Variants in ITGB3 observed in about 807,000 individuals in gnomAD.
ITGB3 encodes integrin beta-3.
Under a neutral mutation model 85.8 loss-of-function variants are expected in ITGB3, and 48 were observed. The observed-to-expected ratio is 0.56, with a 90% CI of 0.44 to 0.71. The LOEUF is 0.71. Ranked by LOEUF, ITGB3 falls within the 30% of genes least tolerant of loss-of-function variation. The pLI, the probability that ITGB3 is intolerant of heterozygous loss-of-function variation, is 0.00. For synonymous variants in ITGB3, 363 were observed against 395.6 expected, an observed-to-expected ratio of 0.92 and a Z score of 0.98; for missense variants, 861 against 1,019.1, an observed-to-expected ratio of 0.84 and a Z score of 2.11.
chr17:47,286,320 G>C lies in ITGB3; in HGVS notation c.675G>C (p.Gln225His). Residue 225 changes from glutamine (Q) to histidine (H), a missense_variant, in exon 5 of 15, where the codon CAG becomes CAC. Physicochemically the swap from Gln to His is conservative, Grantham distance 24. Transcript: ENST00000559488. The stretch of plus-strand genomic sequence containing the variant: ...AACACGTGCTGACGCTAACTGACCA[G>C]GTGACCCGCTTCAATGAGGAAGTGA... Reference protein sequence around the residue: ...GYKHVLTLTDQVTRFNEEVKK... With the variant: ...GYKHVLTLTDHVTRFNEEVKK... 1 of 1,614,188 alleles carries C rather than the reference G, an allele frequency of 6.2e-7. No individual in the cohort carries two copies.
At chr17:47,266,938 G>T (rs2065027714) in intron 1 of ITGB3, among the ~76,000 whole-genome samples, 2 of 152,022 alleles carry the variant, frequency 1.3e-5, no homozygotes, top group African/African-American at 4.8e-5. Context: ...ATTTCACCCT[G>T]GTGTGATACT....
intron 13 of ITGB3, among the ~76,000 whole-genome samples, chr17:47,304,820 C>T (rs2065181329): frequency 6.6e-6 from 1 of 152,102 alleles, no homozygotes; most frequent in Admixed American, 6.6e-5. Flanking sequence ...GTTGGCCAGG[C>T]TGGTCTTGAA....
chr17:47,304,462 G>A (rs1331610489), intron 13 of ITGB3, among the ~76,000 whole-genome samples: 1 of 152,212 alleles, frequency 6.6e-6, no homozygotes, highest in East Asian at 1.9e-4. Flanking sequence ...CTTGAGCTGG[G>A]CTCTTATCAC....
intron 1 of ITGB3, among the ~76,000 whole-genome samples, chr17:47,268,852 CCCTTG>C (rs1392137067): frequency 1.3e-5 from 2 of 152,224 alleles, no homozygotes; most frequent in Non-Finnish European, 2.9e-5. Context: ...ACCCATATTT[CCCTTG>C]TGCACTCCCC....
At position 47,298,793 on chromosome 17, in the gene ITGB3, C is replaced by T. The variant is rs569354491; in HGVS notation, c.1691-515C>T. The stretch of plus-strand genomic sequence containing the variant: ...CAGGTCAGGTAGGAGAGGCGAGCAG[C>T]GCTGTGTCAGGTCAAAGGGAGAGAG... On this transcript the variant is annotated intron_variant, in intron 10 of 14. Transcript: ENST00000559488. Among the ~76,000 whole-genome samples the T allele has an allele frequency of 5.9e-5, 9 of 152,314 alleles. No individual in the cohort carries two copies. In the East Asian group the frequency reaches 1.5e-3, roughly 26 times the overall value.
At chr17:47,289,629 C>T in intron 6 of ITGB3, 52 bp from the exon 7 acceptor site, 1 of 1,292,866 alleles carries the variant, frequency 7.7e-7, no homozygotes, top group Non-Finnish European at 1.1e-6. Flanking sequence ...AGCTTTAGAC[C>T]CTAGAGATGT....
chr17:47,295,353 C>T (rs2065141715), intron 10 of ITGB3, among the ~76,000 whole-genome samples: 1 of 152,086 alleles, frequency 6.6e-6, no homozygotes, highest in African/African-American at 2.4e-5. Flanking sequence ...GGCTCGTGTT[C>T]CCAATGACCT....
intron 6 of ITGB3, among the ~76,000 whole-genome samples, chr17:47,288,747 G>T (rs1423620438): frequency 2.6e-5 from 4 of 152,210 alleles, no homozygotes; most frequent in African/African-American, 9.7e-5. Flanking sequence ...GCAAGGCACT[G>T]GGCCAGGGGC....
intron 1 of ITGB3, among the ~76,000 whole-genome samples, chr17:47,267,060 C>T (rs1016840897): frequency 6.6e-6 from 1 of 152,174 alleles, no homozygotes; most frequent in Non-Finnish European, 1.5e-5. Context: ...CTGCCCTAAA[C>T]AATTTGAGAC....
intron 3 of ITGB3, among the ~76,000 whole-genome samples, chr17:47,284,136 C>T (rs541588355): frequency 6.6e-6 from 1 of 152,340 alleles, no homozygotes; most frequent in African/African-American, 2.4e-5. Flanking sequence ...CTGTCTTTTA[C>T]AGAGTCTGAA....
intron 1 of ITGB3, among the ~76,000 whole-genome samples, chr17:47,264,278 C>T (rs1277314040): frequency 6.6e-6 from 1 of 152,276 alleles, no homozygotes; most frequent in Non-Finnish European, 1.5e-5. Flanking sequence ...CACTTAGCCA[C>T]TCCAGATCTA....
chr17:47,313,383 A>G lies in ITGB3; in HGVS notation c.*3179A>G, dbSNP rs1318363745. ...TTTTTTTGAGACAGAGTCTTGCTCT[A>G]TCACCCAGGCTGGAGTGCAGTGGCA... On this transcript the variant is annotated 3_prime_UTR_variant, in exon 15 of 15. Coordinates refer to ENST00000559488, the MANE Select transcript of ITGB3 (RefSeq NM_000212.3). Among the ~76,000 whole-genome samples, 11 of 124,266 alleles carry G rather than the reference A, an allele frequency of 8.9e-5. No individual in the cohort carries two copies. The highest frequency in any genetic ancestry group is 2.8e-4 in the African/African-American group (9 of 31,712). The allele number at this position is 124,266 out of a possible 152,430, so 81.5% of individuals were successfully genotyped here.
chr17:47,275,399 T>TG (rs2065060032), intron 2 of ITGB3, among the ~76,000 whole-genome samples: 1 of 147,172 alleles, frequency 6.8e-6, no homozygotes, highest in African/African-American at 2.5e-5. Flanking sequence ...GCTGATGGGG[T>TG]GGGGGTGGAA....
rs2065159881 is a variant in ITGB3 at position 47,299,923 on chromosome 17, A to G, written c.1913+393A>G. On this transcript the variant is annotated intron_variant, in intron 11 of 14. Coordinates refer to ENST00000559488, the MANE Select transcript of ITGB3 (RefSeq NM_000212.3). This position sits in a 1 kb window ranked among gnomAD's most constrained non-coding sequence, Gnocchi z 5.1. ...ACAAACCTCCCACTTTAGGGGCCAG[A>G]GGAAGCCCCATCAGCCTGAGTCCAT... Among the ~76,000 whole-genome samples, 1 of 152,202 alleles carries G rather than the reference A, an allele frequency of 6.6e-6. No homozygotes were observed. The highest frequency in any genetic ancestry group is 1.5e-5 in the Non-Finnish European group (1 of 68,030).
Position 47,283,419 on chromosome 17 carries a change from A to T in ITGB3, c.231A>T (p.Pro77=). Residue 77 remains proline (P), a synonymous_variant, in exon 3 of 15, where the codon CCA becomes CCT. Transcript: ENST00000559488. ...KENLLKDNCA[P]ESIEFPVSEA... is the part of the protein sequence containing the mutation. ...ATCTGCTGAAGGATAACTGTGCCCCAGAATCCATCGAGTTCCCAGTGAGTG... is the reference window on the plus strand; with the variant it reads ...ATCTGCTGAAGGATAACTGTGCCCCTGAATCCATCGAGTTCCCAGTGAGTG... 1 of 1,614,240 alleles carries T rather than the reference A, an allele frequency of 6.2e-7. No individual in the cohort carries two copies. The highest frequency in any genetic ancestry group is 8.5e-7 in the Non-Finnish European group (1 of 1,180,052).
In ITGB3 at chr17:47,299,401, C is replaced by G; in HGVS notation, c.1784C>G (p.Ser595Cys). Residue 595 changes from serine (S) to cysteine (C), a missense_variant, in exon 11 of 15, where the codon TCC (serine) becomes TGC (cysteine). Physicochemically the swap from Ser to Cys is moderately radical, Grantham distance 112. Transcript: ENST00000559488. The surrounding 1 kb of genome is among the most constrained non-coding windows in gnomAD (Gnocchi z 5.1). ...ACCACGCGTACTGACACCTGCATGT[C>G]CAGCAATGGGCTGCTGTGCAGCGGC... ...NCTTRTDTCMSSNGLLCSGRG... is the reference protein window; with the variant it reads ...NCTTRTDTCMCSNGLLCSGRG... 3.1e-6 allele frequency: 5 copies of G among 1,614,240 alleles called. No individual in the cohort carries two copies. The highest frequency in any genetic ancestry group is 4.2e-6 in the Non-Finnish European group (5 of 1,180,046).
At chr17:47,271,245 C>T (rs2065043312) in intron 1 of ITGB3, among the ~76,000 whole-genome samples, 1 of 152,174 alleles carries the variant, frequency 6.6e-6, no homozygotes, top group Non-Finnish European at 1.5e-5. Flanking sequence ...TGACAGTCTA[C>T]TCATTGTGTG....
At chr17:47,291,123 C>T (rs2065123915) in intron 9 of ITGB3, 35 bp downstream of exon 9, 1 of 1,613,362 alleles carries the variant, frequency 6.2e-7, no homozygotes, top group African/African-American at 1.3e-5. Context: ...TGTCCTGGAG[C>T]ATCTGTGGGC....
In ITGB3 at chr17:47,300,548, C is replaced by A. The variant is rs151219882; in HGVS notation, c.1984C>A (p.Arg662Ser). The A allele has an allele frequency of 1.2e-6, 2 of 1,613,914 alleles. No homozygotes were observed. The highest frequency in any genetic ancestry group is 2.7e-5 in the African/African-American group (2 of 74,914). The change falls in exon 12 of 15, where the codon CGT (arginine) becomes AGT (serine). Residue 662 changes from arginine to serine, a missense_variant. Coordinates refer to ENST00000559488, the MANE Select transcript of ITGB3 (RefSeq NM_000212.3). ...CGAAAATACCTGCAACCGTTACTGC[C>A]GTGACGAGATTGAGTCAGTGAAAGA... The part of the protein sequence containing the change: ...HDENTCNRYC[R>S]DEIESVKELK...
Sources: allele counts gnomAD v4.1 joint callset (sites outside exome capture counted in the v4.1 genomes callset), GRCh38; gene constraint gnomAD v4.1.1; non-coding constraint Gnocchi (gnomAD v3.1); transcripts MANE v1.5; gene names NCBI Gene and HGNC (gene_info 2026-07-23, HGNC 2026-07-21).